SLC28A1: variants seen among roughly 807,000 people sequenced by gnomAD.
SLC28A1 encodes the protein sodium/nucleoside cotransporter 1.
SLC28A1 carries 64 observed loss-of-function variants against 74.8 expected under a neutral mutation model. The ratio of observed to expected loss-of-function variants is 0.86; its 90% CI spans 0.70 to 1.05. The LOEUF (loss-of-function observed/expected upper bound fraction) is 1.05, where lower values mean the gene tolerates loss of function less well. Ranked by LOEUF, SLC28A1 falls within the 50% of genes least tolerant of loss-of-function variation. The pLI, the probability that SLC28A1 is intolerant of heterozygous loss-of-function variation, is 0.00. For synonymous variants in SLC28A1, 359 were observed against 335.0 expected (o/e 1.07, Z -0.78); for missense variants, 828 against 822.8 (o/e 1.01, Z -0.08).
intron 12 of SLC28A1, among the ~76,000 whole-genome samples, chr15:84,930,649 A>C (rs960021372): frequency 8.5e-6 from 1 of 117,932 alleles, no homozygotes; most frequent in Non-Finnish European, 1.6e-5. Flanking sequence ...ATGGAGTCTC[A>C]CTCTGTCGCC....
chr15:84,943,514 CTGGGAGGCT>C lies in SLC28A1; in HGVS notation c.1654_1662del (p.Gly552_Leu554del), dbSNP rs1972954516. 6.2e-7 allele frequency: 1 copy of C among 1,613,566 alleles called. No homozygotes were observed. The highest frequency in any genetic ancestry group is 1.1e-5 in the South Asian group (1 of 91,084). On this transcript the variant is annotated inframe_deletion, in exon 16 of 19. Transcript: ENST00000394573. The stretch of plus-strand genomic sequence containing the variant: ...CAATTTCAGCTCCATTGGGATCATG[CTGGGAGGCT>C]TGAGTGAGTCTAATCAGGGCCTCAC...
rs115082404 is a variant in SLC28A1, at chr15:84,896,063, G to A, written c.461+940G>A. The stretch of plus-strand genomic sequence containing the variant: ...TTTTTGCAATGGTCTTCTGTGACAA[G>A]TCATTGATAATGGTTTTCCGCTTGA... On this transcript the variant is annotated intron_variant, in intron 6 of 18. Transcript: ENST00000394573. The A allele has an allele frequency of 8.1e-4, 487 of 604,138 alleles. 3 individuals carry two copies. The African/African-American group carries it at 9.1e-3, about 11-fold the overall frequency. The allele number at this position is 604,138 out of a possible 1,614,324, so 37.4% of individuals were successfully genotyped here. A position where few individuals can be genotyped will look rare whatever the true frequency, so the allele number is the denominator to read the frequency against.
chr15:84,936,957 G>A (rs958894084), intron 15 of SLC28A1, among the ~76,000 whole-genome samples: 6 of 151,956 alleles, frequency 3.9e-5, no homozygotes, highest in African/African-American at 1.5e-4. Flanking sequence ...GGAGGCTGAG[G>A]CAGGAAGATG....
intron 9 of SLC28A1, among the ~76,000 whole-genome samples, chr15:84,910,251 A>C (rs1254514595): frequency 6.6e-6 from 1 of 152,194 alleles, no homozygotes; most frequent in Non-Finnish European, 1.5e-5. Context: ...GGGGGAGCCT[A>C]TGTCAGCCCC....
intron 15 of SLC28A1, chr15:84,940,873 CT>C: frequency 1.1e-5 from 2 of 178,120 alleles, no homozygotes; most frequent in Non-Finnish European, 2.5e-5. Context: ...GCTGGAACTT[CT>C]TTTTTGTTTT....
chr15:84,960,346 C>G, the SLC28A1 span, among the ~76,000 whole-genome samples: 2 of 145,916 alleles, frequency 1.4e-5, no homozygotes, highest in African/African-American at 2.6e-5. Context: ...ACCTCCGCCC[C>G]TGCTGAATTC....
At chr15:84,900,908 AAGGAAGTT>A (rs1966614604) in intron 6 of SLC28A1, among the ~76,000 whole-genome samples, 1 of 114,598 alleles carries the variant, frequency 8.7e-6, no homozygotes, top group Non-Finnish European at 2.0e-5. Flanking sequence ...GGAAGGAAGG[AAGGAAGTT>A]AGTTGATTAA....
At position 84,944,195 on chromosome 15, in the gene SLC28A1, TGG is replaced by T. The variant is rs1596370161; in HGVS notation, c.1664-370_1664-369del. Among the ~76,000 whole-genome samples the T allele has an allele frequency of 3.9e-5, 6 of 152,378 alleles. No homozygotes were observed. In the East Asian group the frequency reaches 1.2e-3, roughly 29 times the overall value. ...TTCCAGTCCTGGCAGCTACACTGCC[TGG>T]TGGTATAATCACCCCATTTTACAAA... On this transcript the variant is annotated intron_variant, in intron 16 of 18. Coordinates refer to ENST00000394573, the MANE Select transcript of SLC28A1 (RefSeq NM_004213.5).
At position 84,895,060 on chromosome 15, in the gene SLC28A1, G is replaced by A; in HGVS notation, c.398G>A (p.Gly133Glu). The change falls in exon 6 of 19, where the codon GGG becomes GAG. Residue 133 changes from glycine (G) to glutamate (E), a missense_variant. Physicochemically the swap from Gly to Glu is moderately conservative, Grantham distance 98. Transcript: ENST00000394573. ...LGHRLLKRLL[G>E]PKLRRFLKPQ... ...CACCGCCTGCTGAAACGGCTTCTGG[G>A]GCCAAAGCTGAGGAGGTTTCTCAAG... The A allele has an allele frequency of 6.2e-7, 1 of 1,605,964 alleles. No individual in the cohort carries two copies. The highest frequency in any genetic ancestry group is 1.1e-5 in the South Asian group (1 of 90,932).
chr15:84,942,671 G>T (rs925862606), intron 15 of SLC28A1, among the ~76,000 whole-genome samples: 1 of 152,134 alleles, frequency 6.6e-6, no homozygotes, highest in Non-Finnish European at 1.5e-5. Context: ...TAGAAGCCAG[G>T]CTGGCTGGGC....
rs758926223 is a variant in SLC28A1 at position 84,904,172 on chromosome 15, G to T, written c.537G>T (p.Leu179=). 9 of 1,614,106 alleles carry T rather than the reference G, an allele frequency of 5.6e-6. No individual in the cohort carries two copies. Among genetic ancestry groups the T allele is most frequent in the Non-Finnish European group, 7.6e-6 (9 of 1,180,052 alleles). ...ACACCTCCCAGCGGCCTGAGCAACT[G>T]GTGTCCTTCGCAGGAATCTGCGTGT... The part of the protein sequence containing the change: ...SLDTSQRPEQ[L]VSFAGICVFV... Residue 179 remains leucine (L), a synonymous_variant, in exon 7 of 19, where the codon CTG becomes CTT. Transcript: ENST00000394573.
At chr15:84,924,499 G>A (rs143591291) in intron 12 of SLC28A1, among the ~76,000 whole-genome samples, 7 of 151,996 alleles carry the variant, frequency 4.6e-5, no homozygotes, top group South Asian at 2.1e-4. Context: ...CTAGAGATCC[G>A]TCCTACTCCT....
chr15:84,911,405 G>T (rs1367868385), intron 9 of SLC28A1, among the ~76,000 whole-genome samples: 1 of 152,170 alleles, frequency 6.6e-6, no homozygotes, highest in Non-Finnish European at 1.5e-5. Context: ...TGTGTTGGCC[G>T]CAATGGCACA....
At chr15:84,904,562 C>G (rs1204085006) in intron 7 of SLC28A1, among the ~76,000 whole-genome samples, 2 of 152,162 alleles carry the variant, frequency 1.3e-5, no homozygotes, top group African/African-American at 2.4e-5. Flanking sequence ...AAAACACAGG[C>G]CAGAACTCCA....
At chr15:84,944,327 A>G (rs1201277593) in intron 16 of SLC28A1, among the ~76,000 whole-genome samples, 2 of 152,220 alleles carry the variant, frequency 1.3e-5, no homozygotes, top group Non-Finnish European at 2.9e-5. Context: ...CCAAACTCAC[A>G]TTCTTTTCCT....
chr15:84,965,301 C>A, the SLC28A1 span, among the ~76,000 whole-genome samples: 3 of 152,174 alleles, frequency 2.0e-5, no homozygotes, highest in African/African-American at 7.2e-5. Flanking sequence ...GAGGCCTCCC[C>A]AGCCCTGCAG....
intron 6 of SLC28A1, among the ~76,000 whole-genome samples, chr15:84,897,515 C>T (rs1966134815): frequency 6.6e-6 from 1 of 152,294 alleles, no homozygotes; most frequent in Middle Eastern, 3.4e-3. Context: ...TTGCACCAGC[C>T]TAATAAATGT....
chr15:84,906,552 CTTTCTTTCTTTCTCTTTCTTT>C (rs1567140268), intron 8 of SLC28A1, among the ~76,000 whole-genome samples: 1,506 of 85,072 alleles, frequency 0.018, 19 homozygotes, highest in Non-Finnish European at 0.023. Flanking sequence ...TTCTTTCTTT[CTTTCTTTCTTTCTCTTTCTTT>C]CTTCCTTCCT....
downstream of SLC28A1, among the ~76,000 whole-genome samples, chr15:84,949,179 A>G (rs2079331391): frequency 6.6e-6 from 1 of 152,196 alleles, no homozygotes; most frequent in Admixed American, 6.5e-5. Flanking sequence ...CAGGGTTTCA[A>G]AATTTGCTCC....
Sources: gnomAD v4.1 joint callset for allele counts (sites outside exome capture counted in the v4.1 genomes callset) on GRCh38, gnomAD v4.1.1 for gene constraint, MANE v1.5 for transcripts, NCBI Gene and HGNC (gene_info 2026-07-23, HGNC 2026-07-21) for gene names.